Variants in DPP10 observed in about 807,000 individuals in gnomAD.
DPP10 encodes inactive dipeptidyl peptidase 10.
DPP10 carries 33 observed loss-of-function variants against 120.9 expected under a neutral mutation model. The ratio of observed to expected loss-of-function variants is 0.27; its 90% CI spans 0.21 to 0.37. DPP10 has a LOEUF of 0.37. DPP10 is among the 10% of genes least tolerant of loss of function. DPP10 has a pLI of 1.00. For missense variants in DPP10, 816 were observed against 942.8 expected (o/e 0.87, Z 1.76); for synonymous variants, 337 against 326.1 (o/e 1.03, Z -0.36).
chr2:114,884,122 T>C (rs1258539494), intron 1 of DPP10, among the ~76,000 whole-genome samples: 1 of 152,196 alleles, frequency 6.6e-6, no homozygotes, highest in Admixed American at 6.5e-5. Context: ...TAAAGATACC[T>C]TATAAATCAA....
intron 3 of DPP10, among the ~76,000 whole-genome samples, chr2:115,476,157 G>T (rs1026922038): frequency 5.3e-5 from 8 of 152,124 alleles, no homozygotes; most frequent in African/African-American, 1.9e-4. Context: ...ATGTGGAATT[G>T]TAATCTCCAA....
intron 1 of DPP10, among the ~76,000 whole-genome samples, chr2:114,478,188 T>C (rs1235083471): frequency 6.6e-6 from 1 of 151,982 alleles, no homozygotes; most frequent in Non-Finnish European, 1.5e-5. Context: ...TGTTAGCAAA[T>C]TGAATAAAAA....
chr2:114,875,232 T>C (rs1207685253), intron 1 of DPP10, among the ~76,000 whole-genome samples: 1 of 152,128 alleles, frequency 6.6e-6, no homozygotes, highest in Non-Finnish European at 1.5e-5. Flanking sequence ...ATCAGATATG[T>C]ATTGAATCCC....
intron 5 of DPP10, among the ~76,000 whole-genome samples, chr2:115,644,199 C>T (rs2087028861): frequency 6.6e-6 from 1 of 152,006 alleles, no homozygotes; most frequent in African/African-American, 2.4e-5. Context: ...TTCTAGGGTA[C>T]ATGTGCACAA....
At chr2:115,174,032 G>A (rs566037801) in intron 1 of DPP10, among the ~76,000 whole-genome samples, 1 of 152,320 alleles carries the variant, frequency 6.6e-6, no homozygotes, top group Admixed American at 6.5e-5. Context: ...AAATTGATGA[G>A]AATGTAAGTG....
At chr2:115,035,296 G>C (rs947808480) in intron 1 of DPP10, among the ~76,000 whole-genome samples, 1 of 152,194 alleles carries the variant, frequency 6.6e-6, no homozygotes, top group East Asian at 1.9e-4. Flanking sequence ...CAGTCAGGCA[G>C]AACAGGGTAC....
intron 3 of DPP10, among the ~76,000 whole-genome samples, chr2:115,461,213 T>A (rs903006354): frequency 3.3e-5 from 5 of 152,136 alleles, no homozygotes; most frequent in African/African-American, 1.2e-4. Flanking sequence ...TGCTTTTTTT[T>A]TTAGTAAAAT....
intron 1 of DPP10, among the ~76,000 whole-genome samples, chr2:114,495,886 C>T (rs1255208067): frequency 2.0e-5 from 3 of 152,214 alleles, no homozygotes; most frequent in African/African-American, 2.4e-5. Flanking sequence ...TATAGATAGA[C>T]ATTACACACA....
At chr2:114,908,023 GAT>G (rs1283969733) in intron 1 of DPP10, among the ~76,000 whole-genome samples, 2 of 151,770 alleles carry the variant, frequency 1.3e-5, no homozygotes, top group Non-Finnish European at 2.9e-5. Context: ...ACACCTTCCT[GAT>G]GTATTGAGTC....
At chr2:115,444,965 G>A (rs1481437220) in intron 3 of DPP10, among the ~76,000 whole-genome samples, 1 of 152,166 alleles carries the variant, frequency 6.6e-6, no homozygotes, top group Non-Finnish European at 1.5e-5. Context: ...ATCCCCGTGT[G>A]TCAAGGGAGG....
intron 1 of DPP10, among the ~76,000 whole-genome samples, chr2:115,284,987 A>G (rs780320992): frequency 6.6e-6 from 1 of 152,066 alleles, no homozygotes; most frequent in African/African-American, 2.4e-5. Context: ...GCTAATTGTC[A>G]TAATAGCTAA....
chr2:114,505,048 TCTC>T (rs1683518702), intron 1 of DPP10, among the ~76,000 whole-genome samples: 1 of 66,360 alleles, frequency 1.5e-5, no homozygotes, highest in African/African-American at 7.2e-5. Flanking sequence ...TGAGACTCTG[TCTC>T]AAAAAAAAAA....
intron 1 of DPP10, among the ~76,000 whole-genome samples, chr2:114,970,199 G>A (rs1173734999): frequency 6.6e-6 from 1 of 152,104 alleles, no homozygotes; most frequent in East Asian, 1.9e-4. Flanking sequence ...ATGGCCTTAG[G>A]ATGAAATAAG....
chr2:114,560,517 A>C (rs1688682884), intron 1 of DPP10, among the ~76,000 whole-genome samples: 1 of 152,132 alleles, frequency 6.6e-6, no homozygotes, highest in Admixed American at 6.5e-5. Flanking sequence ...CTTTGCTGGT[A>C]GGAAGATGGG....
At chr2:115,588,261 A>G (rs1402903461) in intron 5 of DPP10, among the ~76,000 whole-genome samples, 2 of 152,192 alleles carry the variant, frequency 1.3e-5, no homozygotes, top group African/African-American at 4.8e-5. Flanking sequence ...CTAGTTCCTC[A>G]TATGCCATGT....
At chr2:114,731,831 A>T (rs2105946357) in intron 1 of DPP10, among the ~76,000 whole-genome samples, 1 of 152,264 alleles carries the variant, frequency 6.6e-6, no homozygotes, top group South Asian at 2.1e-4. Flanking sequence ...TAATTGGTGG[A>T]CTTAGAGCAA....
chr2:114,813,310 T>C (rs965531856), intron 1 of DPP10, among the ~76,000 whole-genome samples: 1 of 152,212 alleles, frequency 6.6e-6, no homozygotes, highest in African/African-American at 2.4e-5. Flanking sequence ...TGATTCTCAA[T>C]CCTAAGAGGA....
chr2:115,525,878 G>GTTTTTTT lies in DPP10; in HGVS notation c.367-17_367-11dup. The GTTTTTTT allele has an allele frequency of 1.3e-6, 2 of 1,534,676 alleles. No individual in the cohort carries two copies. Among genetic ancestry groups the GTTTTTTT allele is most frequent in the African/African-American group, 1.4e-5 (1 of 71,516 alleles). ...GTTAAGAAGTTTTTAAATATAACTG[G>GTTTTTTT]TTTTTTTTTCTTTTTCTAGGTAACC... On this transcript the variant is annotated intron_variant, in intron 4 of 25. Coordinates refer to ENST00000410059, the MANE Select transcript of DPP10 (RefSeq NM_020868.6).
At chr2:115,263,440 A>G (rs1441939609) in intron 1 of DPP10, among the ~76,000 whole-genome samples, 2 of 152,178 alleles carry the variant, frequency 1.3e-5, no homozygotes, top group East Asian at 1.9e-4. Context: ...TAGAATGACC[A>G]TTAATGGTAT....
Sources: allele counts gnomAD v4.1 joint callset (sites outside exome capture counted in the v4.1 genomes callset), GRCh38; gene constraint gnomAD v4.1.1; transcripts MANE v1.5; gene names NCBI Gene and HGNC (gene_info 2026-07-23, HGNC 2026-07-21).